Variants in RBFOX1 observed in about 807,000 individuals in gnomAD.
RBFOX1 encodes RNA binding protein fox-1 homolog 1.
A neutral mutation model predicts 57.7 loss-of-function variants in RBFOX1; 8 were observed. The observed-to-expected ratio is 0.14, with a 90% CI of 0.08 to 0.25. The LOEUF is 0.25. Among genes scored for constraint, RBFOX1 ranks in the 10% least tolerant of loss-of-function variants. RBFOX1 has a pLI of 1.00. For synonymous variants in RBFOX1, 326 were observed against 222.4 expected (o/e 1.47, Z -4.15); for missense variants, 611 against 548.5 (o/e 1.11, Z -1.14).
At chr16:7,007,745 C>G (rs1238358303) in intron 3 of RBFOX1, among the ~76,000 whole-genome samples, 1 of 152,194 alleles carries the variant, frequency 6.6e-6, no homozygotes, top group African/African-American at 2.4e-5. Flanking sequence ...AAAATCATCT[C>G]ATTTCCCTAC....
chr16:6,493,718 C>G (rs1205758724), intron 2 of RBFOX1, among the ~76,000 whole-genome samples: 7 of 152,172 alleles, frequency 4.6e-5, no homozygotes, highest in Admixed American at 4.6e-4. Flanking sequence ...GGAGATTCAG[C>G]TGGCCTGACT....
At chr16:7,275,470 C>G (rs1466155112) in intron 4 of RBFOX1, among the ~76,000 whole-genome samples, 1 of 152,100 alleles carries the variant, frequency 6.6e-6, no homozygotes, top group African/African-American at 2.4e-5. Context: ...TGTGGATTTT[C>G]TTATATATAA....
chr16:5,731,261 G>T (rs1031499637), intron 3 of RBFOX1, among the ~76,000 whole-genome samples: 4 of 151,164 alleles, frequency 2.6e-5, no homozygotes, highest in African/African-American at 9.7e-5. Context: ...CCACCAGCAC[G>T]ATAATGGTTG....
intron 4 of RBFOX1, among the ~76,000 whole-genome samples, chr16:7,481,117 A>G (rs773371182): frequency 5.9e-5 from 9 of 151,922 alleles, no homozygotes; most frequent in South Asian, 2.1e-4. Flanking sequence ...CTCTGAGCCT[A>G]TTTTTTTCAT....
chr16:7,657,023 G>A (rs547145524), intron 12 of RBFOX1, among the ~76,000 whole-genome samples: 1 of 152,228 alleles, frequency 6.6e-6, no homozygotes, highest in East Asian at 1.9e-4. Context: ...TTAAGAATTT[G>A]TTTCCACTGT....
intron 3 of RBFOX1, among the ~76,000 whole-genome samples, chr16:6,915,146 G>A (rs749604733): frequency 2.6e-5 from 4 of 152,182 alleles, no homozygotes; most frequent in African/African-American, 4.8e-5. Flanking sequence ...ATGCTCTCCA[G>A]ACTCGGGGTC....
At chr16:5,656,336 T>C (rs892960107) in intron 3 of RBFOX1, among the ~76,000 whole-genome samples, 1 of 152,202 alleles carries the variant, frequency 6.6e-6, no homozygotes, top group African/African-American at 2.4e-5. Context: ...AAAATCGTTA[T>C]TTTTGTTGTT....
intron 3 of RBFOX1, among the ~76,000 whole-genome samples, chr16:6,905,723 C>T (rs935968875): frequency 4.6e-5 from 7 of 152,146 alleles, no homozygotes; most frequent in African/African-American, 1.7e-4. Flanking sequence ...AAGAATTTCT[C>T]TCCAATGCCT....
At position 7,710,030 on chromosome 16, in the gene RBFOX1, G is replaced by A. The variant is rs973086254; in HGVS notation, c.1072-593G>A. 7.0e-6 allele frequency: 7 copies of A among 1,006,684 alleles called. No homozygotes were observed. In the African/African-American group the frequency reaches 1.0e-4, roughly 15 times the overall value. 62.4% of individuals were successfully genotyped at this position (1,006,684 alleles called of 1,614,324 possible). ...CCACCTTGTAGCCATTAAAACCATG[G>A]CCGGACAGTTCACTGAAGCTCAGTC... On this transcript the variant is annotated intron_variant, in intron 15 of 15. Coordinates refer to ENST00000550418, the MANE Select transcript of RBFOX1 (RefSeq NM_018723.4).
intron 4 of RBFOX1, among the ~76,000 whole-genome samples, chr16:7,440,326 G>A (rs181153501): frequency 3.3e-5 from 5 of 152,252 alleles, no homozygotes; most frequent in Admixed American, 2.0e-4. Flanking sequence ...AACTAACACT[G>A]TGAAAAAACA....
At chr16:6,184,356 G>A (rs181875508) in intron 1 of RBFOX1, among the ~76,000 whole-genome samples, 10 of 152,248 alleles carry the variant, frequency 6.6e-5, no homozygotes, top group Admixed American at 3.3e-4. Flanking sequence ...GTGTGGGAAA[G>A]GATGGAACCA....
chr16:5,311,721 A>G (rs1021701624), intron 1 of RBFOX1, among the ~76,000 whole-genome samples: 1 of 152,082 alleles, frequency 6.6e-6, no homozygotes, highest in African/African-American at 2.4e-5. Flanking sequence ...TATTCATGTC[A>G]TTTGTCCACT....
intron 2 of RBFOX1, among the ~76,000 whole-genome samples, chr16:5,468,101 C>CT (rs1390588839): frequency 6.6e-6 from 1 of 152,182 alleles, no homozygotes; most frequent in African/African-American, 2.4e-5. Flanking sequence ...ACCCCTCTTA[C>CT]TGTCCACCCT....
chr16:5,462,715 T>C (rs773074277), intron 1 of RBFOX1, among the ~76,000 whole-genome samples: 24 of 152,134 alleles, frequency 1.6e-4, no homozygotes, highest in Non-Finnish European at 2.6e-4. Context: ...AAGAAGGAAT[T>C]GGTGTCTCCA....
intron 14 of RBFOX1, among the ~76,000 whole-genome samples, chr16:7,692,443 C>G (rs952181269): frequency 6.6e-6 from 1 of 152,038 alleles, no homozygotes; most frequent in African/African-American, 2.4e-5. Context: ...ACCAATCATA[C>G]TAAGAAGAAA....
intron 2 of RBFOX1, among the ~76,000 whole-genome samples, chr16:6,558,310 C>T (rs1483804566): frequency 1.3e-5 from 2 of 152,166 alleles, no homozygotes; most frequent in Non-Finnish European, 1.5e-5. Context: ...AGAGGCCTTA[C>T]AGAGCATGTT....
chr16:7,473,274 A>G (rs1273099123), intron 4 of RBFOX1, among the ~76,000 whole-genome samples: 2 of 151,926 alleles, frequency 1.3e-5, no homozygotes, highest in African/African-American at 4.8e-5. Flanking sequence ...GCTACTCAGG[A>G]GGCTGAGGCA....
chr16:5,473,473 T>A (rs2069208554), intron 2 of RBFOX1, among the ~76,000 whole-genome samples: 1 of 152,170 alleles, frequency 6.6e-6, no homozygotes, highest in Non-Finnish European at 1.5e-5. Context: ...CCTCACCTTT[T>A]TATTCCATTC....
intron 2 of RBFOX1, among the ~76,000 whole-genome samples, chr16:6,511,201 G>A (rs13335158): frequency 0.099 from 15,046 of 152,230 alleles, 877 homozygotes; most frequent in African/African-American, 0.14. Flanking sequence ...AAAGATGGAG[G>A]AGCGAAGAGT....
Sources: gnomAD v4.1 joint callset for allele counts (sites outside exome capture counted in the v4.1 genomes callset) on GRCh38, gnomAD v4.1.1 for gene constraint, MANE v1.5 for transcripts, NCBI Gene and HGNC (gene_info 2026-07-23, HGNC 2026-07-21) for gene names.